The following CADPS2 variants were observed in gnomAD, a reference collection of about 807,000 sequenced individuals.
The protein encoded by CADPS2 is calcium dependent secretion activator 2.
Under a neutral mutation model 172.5 loss-of-function variants are expected in CADPS2, and 93 were observed. That is an observed-to-expected ratio of 0.54 (90% confidence interval 0.46 to 0.64). The LOEUF (loss-of-function observed/expected upper bound fraction) is 0.64. Ranked by LOEUF, CADPS2 falls within the 30% of genes least tolerant of loss-of-function variation. The pLI, the probability that CADPS2 is intolerant of heterozygous loss-of-function variation, is 0.00. For synonymous variants in CADPS2, 546 were observed against 555.2 expected (o/e 0.98, Z 0.23); for missense variants, 1,420 against 1,565.9 (o/e 0.91, Z 1.57).
chr7:122,797,746 G>A (rs912121530), intron 1 of CADPS2, among the ~76,000 whole-genome samples: 1 of 151,900 alleles, frequency 6.6e-6, no homozygotes, highest in Non-Finnish European at 1.5e-5. Flanking sequence ...AGAGGATAAG[G>A]AAAAATAACT....
rs1231539876 is a variant in CADPS2, at chr7:122,564,929, T to C, written c.1336-10240A>G. Among the ~76,000 whole-genome samples, 3 of 151,468 alleles carry C rather than the reference T, an allele frequency of 2.0e-5. No homozygotes were observed. In the East Asian group the frequency reaches 5.8e-4, roughly 29 times the overall value. The stretch of plus-strand genomic sequence containing the variant: ...TGAAATTATGTCTTTTACAGCAACA[T>C]GGATGGAGCTGGAGGCCATTATCCT... On this transcript the variant is annotated intron_variant, in intron 7 of 29. Transcript: ENST00000449022.
rs145993346 is a variant in CADPS2, at chr7:122,325,144, T to C, written c.3717+333A>G. 5.4e-3 allele frequency among the ~76,000 whole-genome samples: 816 copies of C among 152,244 alleles called. 4 individuals are homozygous for C. Among genetic ancestry groups the C allele is most frequent in the African/African-American group, 0.018 (767 of 41,554 alleles). On this transcript the variant is annotated intron_variant, in intron 29 of 29. Transcript: ENST00000449022. ...CAATGATATATGATCCTAATAAATA[T>C]GAAGTAATTGTATTATGATAAAACA...
At chr7:122,737,191 A>G (rs2092218053) in intron 1 of CADPS2, 123 bp from the exon 2 acceptor site, 2 of 586,998 alleles carry the variant, frequency 3.4e-6, no homozygotes, top group Non-Finnish European at 6.0e-6. Context: ...AGTAAAGAAA[A>G]ATAAAAGCTA....
chr7:122,554,795 C>G (rs1288185869), intron 7 of CADPS2, 106 bp from the exon 8 acceptor site: 1 of 942,510 alleles, frequency 1.1e-6, no homozygotes, highest in Non-Finnish European at 1.5e-6. Context: ...GATGTCAACA[C>G]CCAAATGTAT....
At chr7:122,685,507 C>G (rs575311686) in intron 2 of CADPS2, among the ~76,000 whole-genome samples, 1 of 152,336 alleles carries the variant, frequency 6.6e-6, no homozygotes, top group Non-Finnish European at 1.5e-5. Context: ...CTCCTTAACA[C>G]AAGTTTCACT....
chr7:122,541,182 A>G (rs551925222), intron 8 of CADPS2, among the ~76,000 whole-genome samples: 4 of 151,912 alleles, frequency 2.6e-5, no homozygotes, highest in Admixed American at 6.6e-5. Context: ...TATTTTTTAA[A>G]CTGGTATTAT....
At chr7:122,865,776 T>C (rs1585023932) in intron 1 of CADPS2, among the ~76,000 whole-genome samples, 1 of 152,204 alleles carries the variant, frequency 6.6e-6, no homozygotes, top group Non-Finnish European at 1.5e-5. Context: ...ACAGCATTTA[T>C]CCAACTAAAA....
At chr7:122,702,366 TG>T (rs2086275993) in intron 2 of CADPS2, 3 of 1,613,878 alleles carry the variant, frequency 1.9e-6, no homozygotes, top group Non-Finnish European at 2.5e-6. Context: ...TAGTTGTAGA[TG>T]ATCACCCCAT....
At chr7:122,684,212 T>C (rs1169843881) in intron 2 of CADPS2, among the ~76,000 whole-genome samples, 1 of 152,134 alleles carries the variant, frequency 6.6e-6, no homozygotes, top group Non-Finnish European at 1.5e-5. Context: ...TGTGGTTAAA[T>C]TGATATCATT....
At chr7:122,738,751 T>C (rs550815404) in intron 1 of CADPS2, among the ~76,000 whole-genome samples, 23 of 152,022 alleles carry the variant, frequency 1.5e-4, no homozygotes, top group African/African-American at 5.5e-4. Flanking sequence ...ATGGGTTTTA[T>C]TTAGGACTCT....
At position 122,442,948 on chromosome 7, in the gene CADPS2, C is replaced by T. The variant is rs182966087; in HGVS notation, c.2289-1373G>A. On this transcript the variant is annotated intron_variant, in intron 15 of 29. Transcript: ENST00000449022. The stretch of plus-strand genomic sequence containing the variant: ...TTCTGTGCAGTGGTGCTTTTAAGAG[C>T]ATTAGCAAATTAGCAAAGTACCTTT... Among the ~76,000 whole-genome samples, 111 of 152,310 alleles carry T rather than the reference C, an allele frequency of 7.3e-4. 1 individual carries two copies. The highest frequency in any genetic ancestry group is 2.6e-3 in the African/African-American group (108 of 41,574).
intron 9 of CADPS2, among the ~76,000 whole-genome samples, chr7:122,508,807 C>T (rs1203244023): frequency 6.6e-6 from 1 of 151,950 alleles, no homozygotes; most frequent in Non-Finnish European, 1.5e-5. Flanking sequence ...TTTGGAAGGC[C>T]ACACTATTAG....
intron 29 of CADPS2, 71 bp from the exon 30 acceptor site, chr7:122,320,409 G>T: frequency 8.2e-7 from 1 of 1,224,134 alleles, no homozygotes; most frequent in Non-Finnish European, 1.1e-6. Flanking sequence ...ATACTCAGTT[G>T]GCATTTCAAA....
intron 8 of CADPS2, among the ~76,000 whole-genome samples, chr7:122,516,429 G>A (rs971531648): frequency 2.0e-5 from 3 of 151,938 alleles, no homozygotes; most frequent in Admixed American, 1.3e-4. Context: ...TTGCTACTTG[G>A]GAGGAGGCTG....
chr7:122,460,960 T>A (rs984603587), intron 14 of CADPS2, among the ~76,000 whole-genome samples: 1 of 152,198 alleles, frequency 6.6e-6, no homozygotes, highest in Non-Finnish European at 1.5e-5. Context: ...ATAATTTTGT[T>A]GGGACAAGCC....
At chr7:122,809,949 C>T (rs1584516192) in intron 1 of CADPS2, among the ~76,000 whole-genome samples, 1 of 152,138 alleles carries the variant, frequency 6.6e-6, no homozygotes, top group South Asian at 2.1e-4. Flanking sequence ...GGTTATTACA[C>T]ACATATACAC....
chr7:122,495,997 A>C (rs2058702497), intron 9 of CADPS2, among the ~76,000 whole-genome samples: 1 of 152,088 alleles, frequency 6.6e-6, no homozygotes, highest in Non-Finnish European at 1.5e-5. Context: ...TGTATCATTT[A>C]GCCATTTTAT....
intron 8 of CADPS2, among the ~76,000 whole-genome samples, 199 bp downstream of exon 8, chr7:122,554,351 T>A (rs1386543910): frequency 1.3e-5 from 2 of 152,130 alleles, no homozygotes; most frequent in African/African-American, 4.8e-5. Context: ...TACAGTTATC[T>A]TAACTAAGGA....
intron 2 of CADPS2, among the ~76,000 whole-genome samples, chr7:122,696,091 C>T (rs1419318707): frequency 2.6e-5 from 4 of 152,086 alleles, no homozygotes; most frequent in Admixed American, 6.6e-5. Context: ...CTTTAGCCAC[C>T]CCACCCCCAT....
Sources: gnomAD v4.1 joint callset for allele counts (sites outside exome capture counted in the v4.1 genomes callset) on GRCh38, gnomAD v4.1.1 for gene constraint, MANE v1.5 for transcripts, NCBI Gene and HGNC (gene_info 2026-07-23, HGNC 2026-07-21) for gene names.